Variants in BIN3 observed in about 807,000 individuals in gnomAD.
BIN3 encodes bridging integrator 3.
Under a neutral mutation model 38.2 loss-of-function variants are expected in BIN3, and 41 were observed. The ratio of observed to expected loss-of-function variants is 1.07; its 90% CI spans 0.84 to 1.39. The LOEUF (loss-of-function observed/expected upper bound fraction) is 1.39. Ranked by LOEUF, BIN3 falls within the 40% of genes most tolerant of loss-of-function variation. BIN3 has a pLI of 0.00. For missense variants in BIN3, 361 were observed against 324.3 expected, an observed-to-expected ratio of 1.11 and a Z score of -0.87; for synonymous variants, 145 against 122.6, an observed-to-expected ratio of 1.18 and a Z score of -1.21.
chr8:22,669,012 C>A (rs1393854889), intron 1 of BIN3, 32 bp downstream of exon 1: 1 of 1,569,214 alleles, frequency 6.4e-7, no homozygotes, highest in Non-Finnish European at 8.6e-7. Flanking sequence ...GTCCGCGGGT[C>A]CAGCAGCTCC....
intron 4 of BIN3, among the ~76,000 whole-genome samples, 165 bp downstream of exon 4, chr8:22,636,360 G>A (rs2117534576): frequency 6.6e-6 from 1 of 152,324 alleles, no homozygotes; most frequent in Middle Eastern, 3.4e-3. Context: ...TGTGCAAAGT[G>A]GGATGTGACT....
chr8:22,629,596 T>C, intron 6 of BIN3: 1 of 283,724 alleles, frequency 3.5e-6, no homozygotes, highest in Non-Finnish European at 6.8e-6. Flanking sequence ...ATGAAAGGCC[T>C]TGCTCATGTC....
At chr8:22,628,276 G>A (rs1274379050) in intron 6 of BIN3, among the ~76,000 whole-genome samples, 1 of 152,254 alleles carries the variant, frequency 6.6e-6, no homozygotes, top group Non-Finnish European at 1.5e-5. Context: ...TGGGGGCGGT[G>A]GGGTGGCCAT....
chr8:22,636,246 G>C (rs1357808433), intron 4 of BIN3, among the ~76,000 whole-genome samples: 1 of 152,206 alleles, frequency 6.6e-6, no homozygotes, highest in Admixed American at 6.5e-5. Flanking sequence ...GGCAATGGAG[G>C]CATCTGCTAC....
At chr8:22,655,003 G>A (rs1361999968) in intron 1 of BIN3, among the ~76,000 whole-genome samples, 1 of 152,134 alleles carries the variant, frequency 6.6e-6, no homozygotes, top group Non-Finnish European at 1.5e-5. Context: ...TTTCATTTTA[G>A]CCATCCTAGT....
chr8:22,656,614 C>T (rs1359167362), intron 1 of BIN3, among the ~76,000 whole-genome samples: 1 of 152,158 alleles, frequency 6.6e-6, no homozygotes, highest in Non-Finnish European at 1.5e-5. Context: ...ATGTTTCCGA[C>T]TTTGGTAAGA....
At chr8:22,637,131 C>A (rs973418129) in intron 2 of BIN3, among the ~76,000 whole-genome samples, 169 bp from the exon 3 acceptor site, 1 of 152,186 alleles carries the variant, frequency 6.6e-6, no homozygotes, top group Non-Finnish European at 1.5e-5. Context: ...TCTGAGATCC[C>A]AAGTTAATTA....
intron 8 of BIN3, among the ~76,000 whole-genome samples, chr8:22,621,786 C>T (rs944683316): frequency 2.2e-4 from 34 of 152,054 alleles, no homozygotes; most frequent in African/African-American, 7.7e-4. Flanking sequence ...GAGGTGGAGG[C>T]GCCCCTGCTT....
At chr8:22,626,859 G>C (rs570576003) in intron 6 of BIN3, among the ~76,000 whole-genome samples, 1 of 152,202 alleles carries the variant, frequency 6.6e-6, no homozygotes, top group South Asian at 2.1e-4. Flanking sequence ...CACAGCTGTC[G>C]GCTGGGGCTT....
intron 8 of BIN3, among the ~76,000 whole-genome samples, chr8:22,623,213 A>C (rs1344098609): frequency 6.6e-6 from 1 of 152,148 alleles, no homozygotes; most frequent in Non-Finnish European, 1.5e-5. Flanking sequence ...ATGGGTGCCC[A>C]CCCTTTTCTA....
chr8:22,645,103 T>A (rs1802674743), intron 1 of BIN3, among the ~76,000 whole-genome samples: 1 of 151,646 alleles, frequency 6.6e-6, no homozygotes, highest in South Asian at 2.1e-4. Flanking sequence ...AGTTTGAGGC[T>A]GTAGTGACCT....
intron 1 of BIN3, among the ~76,000 whole-genome samples, chr8:22,662,931 G>A (rs974472660): frequency 2.0e-5 from 3 of 152,180 alleles, no homozygotes; most frequent in African/African-American, 7.2e-5. Flanking sequence ...GAATCCAGAG[G>A]TTAGAAACCA....
chr8:22,654,366 AC>A (rs1315669385), intron 1 of BIN3, among the ~76,000 whole-genome samples: 2 of 152,216 alleles, frequency 1.3e-5, no homozygotes, highest in African/African-American at 4.8e-5. Context: ...CATAACATTC[AC>A]CCTTTTAAAG....
At position 22,624,062 on chromosome 8, in the gene BIN3, A is replaced by G; in HGVS notation, c.481-13T>C. On this transcript the variant is annotated splice_polypyrimidine_tract_variant and intron_variant, in intron 7 of 8. Transcript: ENST00000276416. The stretch of plus-strand genomic sequence containing the variant: ...GCTCCTCTCGTGCCTAGGGAACAAG[A>G]CCTGGGTGTCAAAACTCTCTCACTG... 1 of 1,542,222 alleles carries G rather than the reference A, an allele frequency of 6.5e-7. No individual in the cohort carries two copies. Among genetic ancestry groups the G allele is most frequent in the Non-Finnish European group, 8.8e-7 (1 of 1,136,344 alleles).
At position 22,624,359 on chromosome 8, in the gene BIN3, C is replaced by T. The variant is rs756815432; in HGVS notation, c.343G>A (p.Gly115Ser). ...ATGTTGAGGCTCGGGAAGACACTGC[C>T]GAACCTGTGGGACAAGCTGGCTGGA... Reference protein sequence around the residue: ...KTVIEPLKKFGSVFPSLNMAV... With the variant: ...KTVIEPLKKFSSVFPSLNMAV... Residue 115 changes from glycine (G) to serine (S), a missense_variant, in exon 7 of 9, where the codon GGC becomes AGC. Coordinates refer to ENST00000276416, the MANE Select transcript of BIN3 (RefSeq NM_018688.6). The T allele has an allele frequency of 7.4e-6, 12 of 1,612,232 alleles. No individual in the cohort carries two copies. Among genetic ancestry groups the T allele is most frequent in the Non-Finnish European group, 1.0e-5 (12 of 1,178,898 alleles).
chr8:22,638,845 C>T (rs928907789), intron 2 of BIN3, among the ~76,000 whole-genome samples: 1 of 152,230 alleles, frequency 6.6e-6, no homozygotes, highest in Non-Finnish European at 1.5e-5. Context: ...CTCTTTTCAA[C>T]AGACTCTTTC....
At chr8:22,625,511 G>A (rs1048287044) in intron 6 of BIN3, 13 of 672,894 alleles carry the variant, frequency 1.9e-5, no homozygotes, top group Middle Eastern at 2.4e-4. Flanking sequence ...AGAGGATGCT[G>A]GCAGACTCAC....
intron 2 of BIN3, among the ~76,000 whole-genome samples, chr8:22,642,888 C>T (rs1252154920): frequency 6.6e-6 from 1 of 152,158 alleles, no homozygotes; most frequent in Non-Finnish European, 1.5e-5. Flanking sequence ...CCATCTCCAG[C>T]GAGACAGATG....
intron 4 of BIN3, among the ~76,000 whole-genome samples, chr8:22,636,165 T>A (rs181158222): frequency 4.6e-5 from 7 of 152,052 alleles, no homozygotes; most frequent in Admixed American, 4.6e-4. Context: ...GGCCACGGAG[T>A]CTCGTTTCTG....
Sources: allele counts gnomAD v4.1 joint callset (sites outside exome capture counted in the v4.1 genomes callset), GRCh38; gene constraint gnomAD v4.1.1; transcripts MANE v1.5; gene names NCBI Gene and HGNC (gene_info 2026-07-23, HGNC 2026-07-21).